The following APLF variants were observed in gnomAD, a reference collection of about 807,000 sequenced individuals.
APLF encodes aprataxin and PNKP like factor, also known as aprataxin and PNK-like factor.
Under a neutral mutation model 55.6 loss-of-function variants are expected in APLF, and 61 were observed. The ratio of observed to expected loss-of-function variants is 1.10; its 90% CI spans 0.89 to 1.36. The LOEUF (loss-of-function observed/expected upper bound fraction) is 1.36, where lower values mean the gene tolerates loss of function less well. Ranked by LOEUF, APLF falls within the 40% of genes most tolerant of loss-of-function variation. The pLI, the probability that APLF is intolerant of heterozygous loss-of-function variation, is 0.00. For synonymous variants in APLF, 207 were observed against 214.8 expected, an observed-to-expected ratio of 0.96 and a Z score of 0.32; for missense variants, 611 against 602.5, an observed-to-expected ratio of 1.01 and a Z score of -0.15.
chr2:68,501,473 A>G (rs532703312), intron 2 of APLF, among the ~76,000 whole-genome samples: 14 of 152,060 alleles, frequency 9.2e-5, no homozygotes, highest in Admixed American at 9.2e-4. Flanking sequence ...TTGCTTTGTC[A>G]TATCCTAAAG....
At chr2:68,518,897 T>A (rs1669780670) in intron 5 of APLF, among the ~76,000 whole-genome samples, 1 of 124,908 alleles carries the variant, frequency 8.0e-6, no homozygotes, top group Non-Finnish European at 1.6e-5. Flanking sequence ...TATTATATCA[T>A]TAATATATAA....
intron 4 of APLF, 142 bp from the exon 5 acceptor site, chr2:68,513,406 A>G (rs1223243061): frequency 1.6e-6 from 2 of 1,241,832 alleles, no homozygotes; most frequent in African/African-American, 3.0e-5. Flanking sequence ...TAATAGAAAT[A>G]ATTTCTTTGT....
At chr2:68,553,466 T>C (rs1173613883) in intron 8 of APLF, among the ~76,000 whole-genome samples, 3 of 152,120 alleles carry the variant, frequency 2.0e-5, no homozygotes, top group Non-Finnish European at 2.9e-5. Flanking sequence ...TTTGAGGGTA[T>C]ATTTGTGAAG....
intron 9 of APLF, among the ~76,000 whole-genome samples, chr2:68,572,958 C>T (rs1481490134): frequency 1.3e-5 from 2 of 152,096 alleles, no homozygotes; most frequent in African/African-American, 4.8e-5. Flanking sequence ...AGACTTAGTT[C>T]TTGGGATAAG....
At chr2:68,527,102 C>CT (rs1670084012) in intron 6 of APLF, among the ~76,000 whole-genome samples, 1 of 151,658 alleles carries the variant, frequency 6.6e-6, no homozygotes. Context: ...GGTGCAGGGG[C>CT]TGGGCAGAGG....
intron 3 of APLF, among the ~76,000 whole-genome samples, chr2:68,503,465 G>T (rs1676783920): frequency 6.6e-6 from 1 of 152,058 alleles, no homozygotes; most frequent in African/African-American, 2.4e-5. Flanking sequence ...TTATAGAATG[G>T]ATAAACTAGA....
intron 1 of APLF, among the ~76,000 whole-genome samples, chr2:68,486,484 T>G (rs180787519): frequency 7.9e-5 from 12 of 152,250 alleles, no homozygotes; most frequent in East Asian, 5.8e-4. Flanking sequence ...TAATTTTTTT[T>G]GGGAGTGATA....
At chr2:68,553,388 TGTTCA>T (rs1254642543) in intron 8 of APLF, among the ~76,000 whole-genome samples, 2 of 152,082 alleles carry the variant, frequency 1.3e-5, no homozygotes, top group Admixed American at 6.6e-5. Context: ...ACTAAACCAA[TGTTCA>T]GTTTAGTTAT....
At chr2:68,476,218 A>G (rs1325972110) in intron 1 of APLF, among the ~76,000 whole-genome samples, 2 of 151,846 alleles carry the variant, frequency 1.3e-5, no homozygotes, top group East Asian at 1.9e-4. Context: ...AAAATGTAGG[A>G]CTTTCGCCTG....
rs1670151059 is a variant in APLF, at chr2:68,528,577, C to T, written c.804+2335C>T. ...CAGGATCCTTGGGCTGCATGTCCTC[C>T]CCCACCGTCAGCAAGCCTGGAGAGC... On this transcript the variant is annotated intron_variant, in intron 6 of 9. Coordinates refer to ENST00000303795, the MANE Select transcript of APLF (RefSeq NM_173545.3). The T allele has an allele frequency of 8.5e-6, 13 of 1,534,012 alleles. No individual in the cohort carries two copies. The East Asian group carries it at 3.2e-4, about 37-fold the overall frequency.
At chr2:68,562,548 A>G (rs1474081064) in intron 8 of APLF, among the ~76,000 whole-genome samples, 1 of 152,090 alleles carries the variant, frequency 6.6e-6, no homozygotes, top group Non-Finnish European at 1.5e-5. Flanking sequence ...ACAAGAAATG[A>G]CATGGTAGGT....
At position 68,477,561 on chromosome 2, in the gene APLF, G is replaced by A. The variant is rs556755796; in HGVS notation, c.96+9734G>A. Among the ~76,000 whole-genome samples the A allele has an allele frequency of 2.0e-5, 3 of 152,284 alleles. No homozygotes were observed. In the East Asian group the frequency reaches 5.8e-4, roughly 29 times the overall value. On this transcript the variant is annotated intron_variant, in intron 1 of 9. Coordinates refer to ENST00000303795, the MANE Select transcript of APLF (RefSeq NM_173545.3). ...AGGCTGAGGTGGGAACCTCACTTGA[G>A]CCTGGGAGATTGAGGCAGCAGTGAG...
At chr2:68,527,790 G>A (rs1670115493) in intron 6 of APLF, among the ~76,000 whole-genome samples, 1 of 150,590 alleles carries the variant, frequency 6.6e-6, no homozygotes, top group Non-Finnish European at 1.5e-5. Context: ...CGGGGGCCGG[G>A]CAGAGGCGCT....
At chr2:68,486,550 T>C (rs1676180139) in intron 1 of APLF, among the ~76,000 whole-genome samples, 2 of 152,300 alleles carry the variant, frequency 1.3e-5, no homozygotes, top group African/African-American at 4.8e-5. Flanking sequence ...TTCTGTCATT[T>C]GCCACCTGAT....
intron 6 of APLF, among the ~76,000 whole-genome samples, chr2:68,530,097 C>T (rs1670208010): frequency 6.6e-6 from 1 of 152,222 alleles, no homozygotes; most frequent in Non-Finnish European, 1.5e-5. Flanking sequence ...GCAGGGTCTC[C>T]ACTTTTTACA....
In APLF at chr2:68,526,110, C is replaced by G; in HGVS notation, c.672C>G (p.Ser224=). Residue 224 remains serine, a synonymous_variant, in exon 6 of 10, where the codon TCC becomes TCG. Coordinates refer to ENST00000303795, the MANE Select transcript of APLF (RefSeq NM_173545.3). ...AAGAAGAAATCTGCAAAGATAAATCCCAGCTAAACACAACCCAGCAAGGAA... is the reference window on the plus strand; with the variant it reads ...AAGAAGAAATCTGCAAAGATAAATCGCAGCTAAACACAACCCAGCAAGGAA... ...SGKEEICKDK[S]QLNTTQQGRR... 6.2e-7 allele frequency: 1 copy of G among 1,613,306 alleles called. No individual in the cohort carries two copies.
intron 5 of APLF, among the ~76,000 whole-genome samples, chr2:68,519,638 C>G (rs1669833230): frequency 6.9e-6 from 1 of 144,990 alleles, no homozygotes; most frequent in Non-Finnish European, 1.5e-5. Context: ...ATGTTATTGA[C>G]AAAAAAAAAT....
intron 1 of APLF, among the ~76,000 whole-genome samples, chr2:68,483,256 C>T (rs1676020767): frequency 6.6e-6 from 1 of 152,176 alleles, no homozygotes; most frequent in Non-Finnish European, 1.5e-5. Flanking sequence ...GCTCTCCAAA[C>T]AGCTCAAGGC....
Position 68,578,004 on chromosome 2 carries a change from G to T in APLF, c.1518G>T (p.Arg506Ser). 1 of 1,612,556 alleles carries T rather than the reference G, an allele frequency of 6.2e-7. No homozygotes were observed. The highest frequency in any genetic ancestry group is 1.1e-5 in the South Asian group (1 of 90,996). ...AAGAGCTTTTGAAAGAAGCAAAAAG[G>T]TTTATGAAAAGAAAATAGTAACTAA... ...DVEELLKEAK[R>S]FMKRK The change falls in exon 10 of 10, where the codon AGG (arginine) becomes AGT (serine). Residue 506 changes from arginine (R) to serine (S), a missense_variant. Coordinates refer to ENST00000303795, the MANE Select transcript of APLF (RefSeq NM_173545.3).
Sources: gnomAD v4.1 joint callset for allele counts (sites outside exome capture counted in the v4.1 genomes callset) on GRCh38, gnomAD v4.1.1 for gene constraint, MANE v1.5 for transcripts, NCBI Gene and HGNC (gene_info 2026-07-23, HGNC 2026-07-21) for gene names.